HYCC1: variants seen among roughly 807,000 people sequenced by gnomAD.
The protein encoded by HYCC1 is hyccin PI4KA lipid kinase complex subunit 1.
chr7:22,989,291 C>T, the HYCC1 span, among the ~76,000 whole-genome samples: 17 of 27,314 alleles, frequency 6.2e-4, no homozygotes, highest in Non-Finnish European at 1.3e-3. Context: ...AGGAAACACA[C>T]ACACACACAC....
At chr7:22,928,278 G>T in the HYCC1 span, among the ~76,000 whole-genome samples, 1 of 152,170 alleles carries the variant, frequency 6.6e-6, no homozygotes, top group East Asian at 1.9e-4. Context: ...ACTGGCACAA[G>T]ACAGGGATGC....
At chr7:22,977,585 C>T in the HYCC1 span, among the ~76,000 whole-genome samples, 16 of 152,008 alleles carry the variant, frequency 1.1e-4, no homozygotes, top group Non-Finnish European at 2.4e-4. Flanking sequence ...TCATCAACAC[C>T]GGTAGTTAAA....
At chr7:22,943,502 G>C in the HYCC1 span, 6 of 152,094 alleles carry the variant, frequency 3.9e-5, no homozygotes, top group African/African-American at 1.4e-4. Flanking sequence ...GCTAGCAAAG[G>C]TCTAGAGAGG....
the HYCC1 span, among the ~76,000 whole-genome samples, chr7:22,914,892 T>C: frequency 4.6e-5 from 7 of 152,278 alleles, no homozygotes; most frequent in Admixed American, 2.6e-4. Flanking sequence ...CAGATTATAA[T>C]TTCGTTCCGT....
the HYCC1 span, among the ~76,000 whole-genome samples, chr7:22,996,554 G>C: frequency 1.5e-5 from 2 of 131,796 alleles, no homozygotes; most frequent in Non-Finnish European, 3.1e-5. Flanking sequence ...TTTACTAGCT[G>C]ACATAAGCTT....
chr7:22,898,594 CTTTTCTTTTCT>C, the HYCC1 span, among the ~76,000 whole-genome samples: 2,740 of 66,120 alleles, frequency 0.041, 90 homozygotes, highest in African/African-American at 0.12. Flanking sequence ...CTTTTCTTTT[CTTTTCTTTTCT>C]TTTTTTTTTT....
At chr7:22,984,675 T>C in the HYCC1 span, among the ~76,000 whole-genome samples, 41 of 152,316 alleles carry the variant, frequency 2.7e-4, no homozygotes, top group African/African-American at 9.1e-4. Flanking sequence ...AGAGCCATGA[T>C]TGCAGCATTA....
the HYCC1 span, among the ~76,000 whole-genome samples, chr7:22,956,326 C>T: frequency 2.6e-5 from 4 of 151,734 alleles, no homozygotes; most frequent in East Asian, 3.8e-4. Flanking sequence ...CCTTAAAAGT[C>T]GAAAGCAGCA....
At chr7:22,971,790 T>C in the HYCC1 span, among the ~76,000 whole-genome samples, 1 of 151,782 alleles carries the variant, frequency 6.6e-6, no homozygotes. Context: ...TGAATAGTAA[T>C]GAGCACTTTT....
chr7:22,912,592 G>A, the HYCC1 span, among the ~76,000 whole-genome samples: 3 of 152,218 alleles, frequency 2.0e-5, no homozygotes, highest in African/African-American at 7.2e-5. Context: ...GGAGAGGGAA[G>A]CCAAGAAGAT....
chr7:22,915,494 C>T, the HYCC1 span, among the ~76,000 whole-genome samples: 2 of 152,194 alleles, frequency 1.3e-5, no homozygotes, highest in African/African-American at 2.4e-5. Flanking sequence ...TCAGACTGTC[C>T]ACCTTGCCTG....
chr7:22,983,861 C>A, the HYCC1 span: 2 of 803,460 alleles, frequency 2.5e-6, no homozygotes, highest in East Asian at 2.5e-5. Flanking sequence ...CATTTTCTTA[C>A]CCCTTTATAT....
At chr7:22,991,217 T>C in the HYCC1 span, 1 of 931,968 alleles carries the variant, frequency 1.1e-6, no homozygotes, top group Middle Eastern at 2.2e-4. Context: ...GAGATAATCC[T>C]ATAAAGTTTT....
At chr7:22,929,524 T>C in the HYCC1 span, among the ~76,000 whole-genome samples, 2 of 152,082 alleles carry the variant, frequency 1.3e-5, no homozygotes, top group Non-Finnish European at 2.9e-5. Context: ...CATCAAAAAG[T>C]GGGCCAAGGA....
the HYCC1 span, chr7:22,985,518 TTTTAAG>T: frequency 2.0e-5 from 3 of 152,316 alleles, no homozygotes; most frequent in Admixed American, 2.0e-4. Context: ...ATAGAATTTT[TTTTAAG>T]TTTAATAAGA....
chr7:22,919,605 TA>T, the HYCC1 span, among the ~76,000 whole-genome samples: 157 of 143,910 alleles, frequency 1.1e-3, no homozygotes, highest in Middle Eastern at 3.6e-3. Context: ...TATGAATTAT[TA>T]AAAAAAAAAA....
At chr7:22,904,228 G>C in the HYCC1 span, among the ~76,000 whole-genome samples, 1 of 151,830 alleles carries the variant, frequency 6.6e-6, no homozygotes, top group Non-Finnish European at 1.5e-5. Context: ...TCAGGAGATC[G>C]AGACCATCTT....
the HYCC1 span, among the ~76,000 whole-genome samples, chr7:22,999,411 T>C: frequency 6.6e-6 from 1 of 152,220 alleles, no homozygotes; most frequent in African/African-American, 2.4e-5. Flanking sequence ...TGATAAAGTT[T>C]ATGTTAACAG....
At chr7:22,964,518 C>T in the HYCC1 span, 1 of 1,592,918 alleles carries the variant, frequency 6.3e-7, no homozygotes, top group Middle Eastern at 1.7e-4. Flanking sequence ...CGAGGATATC[C>T]ACAAACACAG....
Sources: gnomAD v4.1 joint callset for allele counts (sites outside exome capture counted in the v4.1 genomes callset) on GRCh38, gnomAD v4.1.1 for gene constraint, MANE v1.5 for transcripts, NCBI Gene and HGNC (gene_info 2026-07-23, HGNC 2026-07-21) for gene names.